The following LSAMP variants were observed in gnomAD, a reference collection of about 807,000 sequenced individuals.
LSAMP encodes the protein limbic system associated membrane protein, also known as limbic system-associated membrane protein.
Under a neutral mutation model 38.6 loss-of-function variants are expected in LSAMP, and 7 were observed. The ratio of observed to expected loss-of-function variants is 0.18; its 90% CI spans 0.10 to 0.34. The LOEUF (loss-of-function observed/expected upper bound fraction) is 0.34, where lower values mean the gene tolerates loss of function less well. Ranked by LOEUF, LSAMP falls within the 10% of genes least tolerant of loss-of-function variation. The pLI is 1.00. For synonymous variants in LSAMP, 154 were observed against 166.8 expected, an observed-to-expected ratio of 0.92 and a Z score of 0.59; for missense variants, 313 against 420.0, an observed-to-expected ratio of 0.75 and a Z score of 2.23.
At chr3:116,301,255 G>A (rs886634795) in intron 1 of LSAMP, among the ~76,000 whole-genome samples, 24 of 152,250 alleles carry the variant, frequency 1.6e-4, no homozygotes, top group African/African-American at 5.3e-4. Flanking sequence ...AGGCTGAAGA[G>A]TAGATCATTA....
Position 115,875,761 on chromosome 3 carries a change from T to TA in LSAMP, c.515-23145dup, listed in dbSNP as rs879449227. Reference sequence around the variant, plus strand: ...CCAAAAATAGGCCTTATGATTGTGTTAAAAAAAAATCATAGTTCCCATCTA... The same window carrying TA: ...CCAAAAATAGGCCTTATGATTGTGTTAAAAAAAAAATCATAGTTCCCATCTA... On this transcript the variant is annotated intron_variant, in intron 3 of 6. Coordinates refer to ENST00000490035, the MANE Select transcript of LSAMP (RefSeq NM_002338.5). Among the ~76,000 whole-genome samples, 62 of 151,486 alleles carry TA rather than the reference T, an allele frequency of 4.1e-4. No individual in the cohort carries two copies. The Middle Eastern group carries it at 0.017, about 42-fold the overall frequency.
chr3:116,252,110 C>T (rs560446829), intron 1 of LSAMP, among the ~76,000 whole-genome samples: 3 of 152,298 alleles, frequency 2.0e-5, no homozygotes, highest in South Asian at 4.1e-4. Context: ...ACAACATTAA[C>T]ATTCATTGTT....
At chr3:116,174,178 T>C (rs927941981) in intron 1 of LSAMP, among the ~76,000 whole-genome samples, 2 of 151,980 alleles carry the variant, frequency 1.3e-5, no homozygotes, top group African/African-American at 4.8e-5. Context: ...CCACTGCAAT[T>C]AGTTCTTATA....
intron 2 of LSAMP, among the ~76,000 whole-genome samples, chr3:116,034,571 G>A (rs2107708745): frequency 6.6e-6 from 1 of 152,208 alleles, no homozygotes; most frequent in East Asian, 1.9e-4. Flanking sequence ...GTGTGATAAG[G>A]GAGTTAACGA....
At chr3:116,383,080 G>A (rs1243119762) in intron 1 of LSAMP, among the ~76,000 whole-genome samples, 5 of 152,236 alleles carry the variant, frequency 3.3e-5, no homozygotes, top group African/African-American at 9.6e-5. Flanking sequence ...CCTTCACTAC[G>A]TGCTATATTG....
chr3:116,421,128 A>C (rs2107855075), intron 1 of LSAMP, among the ~76,000 whole-genome samples: 1 of 152,332 alleles, frequency 6.6e-6, no homozygotes, highest in South Asian at 2.1e-4. Flanking sequence ...CTAGGCAAAA[A>C]GTTCTTAGCT....
chr3:116,029,303 C>T (rs1486672590), intron 2 of LSAMP, among the ~76,000 whole-genome samples: 3 of 151,968 alleles, frequency 2.0e-5, no homozygotes, highest in African/African-American at 4.8e-5. Context: ...CCTGTGGGGT[C>T]GGCATTTGAA....
intron 2 of LSAMP, among the ~76,000 whole-genome samples, chr3:116,038,933 C>G (rs1034071242): frequency 3.3e-5 from 5 of 152,156 alleles, no homozygotes; most frequent in African/African-American, 4.8e-5. Context: ...CATTAGAATA[C>G]TTTGCATAGC....
chr3:116,231,194 A>G (rs533533576), intron 1 of LSAMP, among the ~76,000 whole-genome samples: 7 of 152,192 alleles, frequency 4.6e-5, no homozygotes, highest in Non-Finnish European at 1.0e-4. Flanking sequence ...ACTATTATTA[A>G]TTAGATCTGA....
At chr3:116,167,449 A>G (rs1246681706) in intron 1 of LSAMP, among the ~76,000 whole-genome samples, 1 of 152,222 alleles carries the variant, frequency 6.6e-6, no homozygotes, top group East Asian at 1.9e-4. Flanking sequence ...TGTAAACACA[A>G]TGAAGTTGAA....
chr3:116,027,220 T>C (rs1316292898), intron 2 of LSAMP, among the ~76,000 whole-genome samples: 2 of 152,184 alleles, frequency 1.3e-5, no homozygotes, highest in Admixed American at 1.3e-4. Context: ...ACTTCCCCAC[T>C]TGTGCAAAAT....
chr3:116,273,007 G>A (rs930582395), intron 1 of LSAMP, among the ~76,000 whole-genome samples: 1 of 152,084 alleles, frequency 6.6e-6, no homozygotes, highest in Non-Finnish European at 1.5e-5. Flanking sequence ...TCCTTCTGGT[G>A]TTATTAAGTG....
At chr3:115,831,332 A>G in intron 6 of LSAMP, among the ~76,000 whole-genome samples, 1 of 152,204 alleles carries the variant, frequency 6.6e-6, no homozygotes, top group South Asian at 2.1e-4. Context: ...GTGATCAGAA[A>G]GGGATAGGCT....
chr3:115,884,117 T>A (rs1217657926), intron 3 of LSAMP, among the ~76,000 whole-genome samples: 4 of 152,004 alleles, frequency 2.6e-5, no homozygotes, highest in African/African-American at 9.7e-5. Flanking sequence ...TAGTAGGGTG[T>A]CACAGTGATT....
chr3:116,371,134 A>G (rs948573890), intron 1 of LSAMP, among the ~76,000 whole-genome samples: 1 of 152,190 alleles, frequency 6.6e-6, no homozygotes, highest in African/African-American at 2.4e-5. Context: ...ACATTTAAAG[A>G]ACACTAATCC....
chr3:116,262,222 G>A (rs2046835088), intron 1 of LSAMP, among the ~76,000 whole-genome samples: 1 of 152,160 alleles, frequency 6.6e-6, no homozygotes, highest in Admixed American at 6.5e-5. Context: ...CTATGTGAAT[G>A]AAGTTAATTG....
chr3:115,865,952 A>G (rs1935846151), intron 3 of LSAMP, among the ~76,000 whole-genome samples: 1 of 152,098 alleles, frequency 6.6e-6, no homozygotes. Context: ...CTCAATTCCC[A>G]TTTCTGAACT....
intron 1 of LSAMP, among the ~76,000 whole-genome samples, chr3:116,308,238 C>T (rs74514825): frequency 0.016 from 2,360 of 152,050 alleles, 35 homozygotes; most frequent in Non-Finnish European, 0.024. Context: ...TCCCTCTAGA[C>T]AAAATTAATC....
At position 116,445,234 on chromosome 3, in the gene LSAMP, C is replaced by T; in HGVS notation, c.-203G>A. ...AAGACTTAACAAAGCCCTCATAAAA[C>T]CCAAGCAGAAGGGTGAAAAGTAAAA... is the stretch of plus-strand genomic sequence containing the variant. On this transcript the variant is annotated 5_prime_UTR_variant, in exon 1 of 7. Coordinates refer to ENST00000490035, the MANE Select transcript of LSAMP (RefSeq NM_002338.5). 1 of 596,026 alleles carries T rather than the reference C, an allele frequency of 1.7e-6. No homozygotes were observed. The highest frequency in any genetic ancestry group is 3.0e-6 in the Non-Finnish European group (1 of 336,006). 36.9% of individuals were successfully genotyped at this position (596,026 alleles called of 1,614,324 possible).
Sources: allele counts gnomAD v4.1 joint callset (sites outside exome capture counted in the v4.1 genomes callset), GRCh38; gene constraint gnomAD v4.1.1; transcripts MANE v1.5; gene names NCBI Gene and HGNC (gene_info 2026-07-23, HGNC 2026-07-21).